The following ACVR2B variants were observed in gnomAD, a reference collection of about 807,000 sequenced individuals.
ACVR2B encodes the protein activin A receptor type 2B.
ACVR2B carries 18 observed loss-of-function variants against 65.1 expected under a neutral mutation model. The observed-to-expected ratio is 0.28, with a 90% CI of 0.19 to 0.41. The LOEUF is 0.41. Among genes scored for constraint, ACVR2B ranks in the 10% least tolerant of loss-of-function variants. The pLI, the probability that ACVR2B is intolerant of heterozygous loss-of-function variation, is 1.00. For missense variants in ACVR2B, 482 were observed against 682.7 expected (o/e 0.71, Z 3.28); for synonymous variants, 298 against 277.7 (o/e 1.07, Z -0.73).
At chr3:38,460,682 A>G (rs375461290) in intron 1 of ACVR2B, among the ~76,000 whole-genome samples, 2 of 152,204 alleles carry the variant, frequency 1.3e-5, no homozygotes, top group East Asian at 1.9e-4. Context: ...AGCCTGTCCC[A>G]CTGGGCAAAT....
intron 1 of ACVR2B, among the ~76,000 whole-genome samples, chr3:38,456,356 T>C (rs972138626): frequency 6.6e-6 from 1 of 152,214 alleles, no homozygotes; most frequent in Non-Finnish European, 1.5e-5. Flanking sequence ...CCTGGCTTGC[T>C]GTTTGGAATA....
In ACVR2B at chr3:38,483,322, C is replaced by CAAGCA. The variant is rs773279585; in HGVS notation, c.1530_1534dup (p.Ile512LysfsTer8). Reference sequence around the variant, plus strand: ...AATGTGGACCTGCCCCCTAAAGAGTCAAGCATCTAAGCCCAGGACATGAGT... The same window carrying CAAGCA: ...AATGTGGACCTGCCCCCTAAAGAGTCAAGCAAAGCATCTAAGCCCAGGACATGAGT... On this transcript the variant is annotated frameshift_variant, in exon 11 of 11. Coordinates refer to ENST00000352511, the MANE Select transcript of ACVR2B (RefSeq NM_001106.4). LOFTEE classifies it high-confidence loss of function. This position sits in a 1 kb window ranked among gnomAD's most constrained non-coding sequence, Gnocchi z 4.8. 6.2e-7 allele frequency: 1 copy of CAAGCA among 1,613,988 alleles called. No homozygotes were observed. Among genetic ancestry groups the CAAGCA allele is most frequent in the East Asian group, 2.2e-5 (1 of 44,874 alleles).
Position 38,489,665 on chromosome 3 carries a change from A to G in ACVR2B, c.*6333A>G, listed in dbSNP as rs1229664476. ...AAAAATTAGTTTGTAAGCCTTTGCC[A>G]TAGGACATAGTCATGTGAGAGTGTT... is the stretch of plus-strand genomic sequence containing the variant. On this transcript the variant is annotated 3_prime_UTR_variant, in exon 11 of 11. Transcript: ENST00000352511. The G allele has an allele frequency of 6.6e-5, 10 of 152,658 alleles. No individual in the cohort carries two copies. Among genetic ancestry groups the G allele is most frequent in the Non-Finnish European group, 1.3e-4 (9 of 68,050 alleles). The allele number at this position is 152,658 out of a possible 1,614,324, so 9.5% of individuals were successfully genotyped here.
intron 1 of ACVR2B, among the ~76,000 whole-genome samples, chr3:38,467,000 C>CT (rs1709741338): frequency 6.6e-6 from 1 of 152,190 alleles, no homozygotes; most frequent in Admixed American, 6.5e-5. Context: ...ACAATGCTAT[C>CT]TGTGAGAGTG....
At chr3:38,455,406 T>C (rs111745450) in intron 1 of ACVR2B, among the ~76,000 whole-genome samples, 2 of 152,034 alleles carry the variant, frequency 1.3e-5, no homozygotes, top group South Asian at 4.1e-4. Flanking sequence ...CCATTACACA[T>C]GCAGCGCGGG....
At chr3:38,473,133 G>T (rs879607305) in intron 1 of ACVR2B, among the ~76,000 whole-genome samples, 1 of 152,164 alleles carries the variant, frequency 6.6e-6, no homozygotes, top group African/African-American at 2.4e-5. Flanking sequence ...CTCTCTACTG[G>T]CATTAGGCCC....
chr3:38,479,381 C>G, intron 6 of ACVR2B, 110 bp downstream of exon 6: 1 of 1,518,018 alleles, frequency 6.6e-7, no homozygotes, highest in South Asian at 1.1e-5. Context: ...ATGAAGTACT[C>G]TGCCCCGGTA....
chr3:38,458,290 A>G (rs1298466528), intron 1 of ACVR2B, among the ~76,000 whole-genome samples: 1 of 151,708 alleles, frequency 6.6e-6, no homozygotes, highest in African/African-American at 2.4e-5. Context: ...CATGTCATAG[A>G]CCCCTCTGAG....
chr3:38,455,634 G>A (rs566713119), intron 1 of ACVR2B, among the ~76,000 whole-genome samples: 1 of 152,222 alleles, frequency 6.6e-6, no homozygotes, highest in Non-Finnish European at 1.5e-5. Flanking sequence ...AGTAGCGCGC[G>A]CGCGCGCAGC....
intron 1 of ACVR2B, among the ~76,000 whole-genome samples, chr3:38,468,691 T>C (rs1438737201): frequency 6.6e-6 from 1 of 152,200 alleles, no homozygotes; most frequent in Non-Finnish European, 1.5e-5. Flanking sequence ...GGAAGTCACA[T>C]TGCTTTTCTA....
rs1374952906 is a variant in ACVR2B, at chr3:38,477,017, T to C, written c.53-270T>C. On this transcript the variant is annotated intron_variant, in intron 1 of 10. Coordinates refer to ENST00000352511, the MANE Select transcript of ACVR2B (RefSeq NM_001106.4). This position sits in a 1 kb window ranked among gnomAD's most constrained non-coding sequence, Gnocchi z 6.7. ...TTATCCATCCTTCTGTGGCATTAGG[T>C]TTCCTGCCTCCTCCCTTTTGCTTAG... The C allele has an allele frequency of 2.8e-5, 16 of 563,466 alleles. No homozygotes were observed. Among genetic ancestry groups the C allele is most frequent in the Non-Finnish European group, 3.2e-5 (10 of 314,142 alleles). The allele number at this position is 563,466 out of a possible 1,614,324, so 34.9% of individuals were successfully genotyped here.
chr3:38,483,020 T>C lies in ACVR2B; in HGVS notation c.1345-118T>C. 1.7e-6 allele frequency: 2 copies of C among 1,157,876 alleles called. No homozygotes were observed. Among genetic ancestry groups the C allele is most frequent in the Middle Eastern group, 2.7e-4 (1 of 3,698 alleles). 71.7% of individuals were successfully genotyped at this position (1,157,876 alleles called of 1,614,324 possible). A position where few individuals can be genotyped will look rare whatever the true frequency, so the allele number is the denominator to read the frequency against. The stretch of plus-strand genomic sequence containing the variant: ...TCTGCTGGTGGACCTGCTGCTGTGG[T>C]TGGGGCTGGTGGGCTCTGCCTGATC... On this transcript the variant is annotated intron_variant, in intron 10 of 10. Coordinates refer to ENST00000352511, the MANE Select transcript of ACVR2B (RefSeq NM_001106.4). This position sits in a 1 kb window ranked among gnomAD's most constrained non-coding sequence, Gnocchi z 4.8.
At chr3:38,482,672 G>A (rs180845525) in intron 10 of ACVR2B, 112 bp downstream of exon 10, 79 of 1,468,204 alleles carry the variant, frequency 5.4e-5, no homozygotes, top group African/African-American at 2.5e-4. Flanking sequence ...AGTCTGCGAC[G>A]TTCCCTGGAC....
In ACVR2B at chr3:38,466,953, ACT is replaced by A. The variant is rs1223571260; in HGVS notation, c.53-10333_53-10332del. 2.0e-5 allele frequency among the ~76,000 whole-genome samples: 3 copies of A among 152,236 alleles called. No homozygotes were observed. In the East Asian group the frequency reaches 5.8e-4, roughly 29 times the overall value. Reference sequence around the variant, plus strand: ...CGGGCATTTATTGTGAGAATGTGTTACTGAGTTTGAAATACCACAAAAGAAAA... The same window carrying A: ...CGGGCATTTATTGTGAGAATGTGTTAGAGTTTGAAATACCACAAAAGAAAA... On this transcript the variant is annotated intron_variant, in intron 1 of 10. Transcript: ENST00000352511.
chr3:38,482,715 GA>G (rs1182729741), intron 10 of ACVR2B, among the ~76,000 whole-genome samples, 155 bp downstream of exon 10: 3 of 152,080 alleles, frequency 2.0e-5, no homozygotes, highest in Non-Finnish European at 4.4e-5. Context: ...TATGGGGAGT[GA>G]GGTAGGATGA....
chr3:38,458,022 C>G (rs1575577017), intron 1 of ACVR2B, among the ~76,000 whole-genome samples: 2 of 152,158 alleles, frequency 1.3e-5, no homozygotes, highest in East Asian at 3.8e-4. Flanking sequence ...GGTATCCTCC[C>G]TAGCTCTTAG....
chr3:38,469,948 T>C (rs1310288124), intron 1 of ACVR2B, among the ~76,000 whole-genome samples: 1 of 151,510 alleles, frequency 6.6e-6, no homozygotes, highest in Non-Finnish European at 1.5e-5. Flanking sequence ...AATGAAAAAA[T>C]AGAATAATTG....
rs1248666220 is a variant in ACVR2B, at chr3:38,488,692, C to A, written c.*5360C>A. The A allele has an allele frequency of 6.6e-6, 1 of 152,124 alleles. No individual in the cohort carries two copies. The highest frequency in any genetic ancestry group is 1.5e-5 in the Non-Finnish European group (1 of 68,014). The allele number at this position is 152,124 out of a possible 1,614,324, so 9.4% of individuals were successfully genotyped here. On this transcript the variant is annotated 3_prime_UTR_variant, in exon 11 of 11. Coordinates refer to ENST00000352511, the MANE Select transcript of ACVR2B (RefSeq NM_001106.4). ...TTTTTGATTGTGGTACTTCCTGTAT[C>A]CCCTGTAGTGCCAAAACCAGTGATA...
Position 38,491,150 on chromosome 3 carries a change from T to G in ACVR2B, c.*7818T>G, listed in dbSNP as rs1364401467. ...TTAGGCCTTGTGGGATATGGCTGTT[T>G]GTCATTTTGATGTATTTTAAATAAA... On this transcript the variant is annotated 3_prime_UTR_variant, in exon 11 of 11. Coordinates refer to ENST00000352511, the MANE Select transcript of ACVR2B (RefSeq NM_001106.4). 1 of 152,352 alleles carries G rather than the reference T, an allele frequency of 6.6e-6. No individual in the cohort carries two copies. The highest frequency in any genetic ancestry group is 2.4e-5 in the African/African-American group (1 of 41,452). The allele number at this position is 152,352 out of a possible 1,614,324, so 9.4% of individuals were successfully genotyped here.
Sources: allele counts gnomAD v4.1 joint callset (sites outside exome capture counted in the v4.1 genomes callset), GRCh38; gene constraint gnomAD v4.1.1; non-coding constraint Gnocchi (gnomAD v3.1); transcripts MANE v1.5; gene names NCBI Gene and HGNC (gene_info 2026-07-23, HGNC 2026-07-21).